The following HECW1 variants were observed in gnomAD, a reference collection of about 807,000 sequenced individuals.
The protein encoded by HECW1 is E3 ubiquitin-protein ligase HECW1.
Under a neutral mutation model 182.3 loss-of-function variants are expected in HECW1, and 61 were observed. The observed-to-expected ratio is 0.33, with a 90% CI of 0.27 to 0.41. HECW1 has a LOEUF of 0.41. HECW1 is among the 10% of genes least tolerant of loss of function. The probability of loss-of-function intolerance (pLI) is 1.00; values close to 1 mark genes in which losing one functional copy is unlikely to be tolerated. For synonymous variants in HECW1, 859 were observed against 832.6 expected (o/e 1.03, Z -0.55); for missense variants, 1,739 against 2,108.9 (o/e 0.82, Z 3.44).
intron 17 of HECW1, among the ~76,000 whole-genome samples, chr7:43,481,639 A>G (rs2078437305): frequency 6.6e-6 from 1 of 152,222 alleles, no homozygotes; most frequent in African/African-American, 2.4e-5. Context: ...CATTTAAATC[A>G]TTAATATCAT....
In HECW1 at chr7:43,463,802, A is replaced by T; in HGVS notation, c.2791+3A>T. On this transcript the variant is annotated splice_donor_region_variant and intron_variant, in intron 14 of 29. Coordinates refer to ENST00000395891, the MANE Select transcript of HECW1 (RefSeq NM_015052.5). ...CGAATCTTCCCAGTCCAGCTTAGGT[A>T]TTGGAGGAGGGGTCCCCACAACCTG... 1 of 1,613,246 alleles carries T rather than the reference A, an allele frequency of 6.2e-7. No homozygotes were observed. Among genetic ancestry groups the T allele is most frequent in the East Asian group, 2.2e-5 (1 of 44,834 alleles).
At chr7:43,160,398 G>A (rs1364265201) in intron 2 of HECW1, among the ~76,000 whole-genome samples, 1 of 152,126 alleles carries the variant, frequency 6.6e-6, no homozygotes, top group Non-Finnish European at 1.5e-5. Context: ...AATGAGAGCT[G>A]CCTTCACCTC....
At chr7:43,282,714 T>C (rs1804072324) in intron 3 of HECW1, among the ~76,000 whole-genome samples, 2 of 152,182 alleles carry the variant, frequency 1.3e-5, no homozygotes, top group African/African-American at 4.8e-5. Context: ...TTATTAAATA[T>C]TATTATAAGA....
chr7:43,199,861 G>T (rs1253362691), intron 2 of HECW1, among the ~76,000 whole-genome samples: 2 of 152,044 alleles, frequency 1.3e-5, no homozygotes, highest in East Asian at 3.8e-4. Flanking sequence ...ATATATACAC[G>T]TTTGGTTTGT....
In HECW1 at chr7:43,541,226, C is replaced by G; in HGVS notation, c.4083C>G (p.Phe1361Leu). Residue 1361 changes from phenylalanine to leucine, a missense_variant, in exon 25 of 30, where the codon TTC (phenylalanine) becomes TTG (leucine). Physicochemically the swap from Phe to Leu is conservative, Grantham distance 22 (BLOSUM62 0). Transcript: ENST00000395891. ...ALIHQYLLDA[F>L]FTRPFYKALL... ...TCCATCAGTACCTTCTTGACGCTTT[C>G]TTCACGAGGCCCTTCTACAAGGCAC... The G allele has an allele frequency of 2.5e-6, 4 of 1,614,204 alleles. No individual in the cohort carries two copies. Among genetic ancestry groups the G allele is most frequent in the Non-Finnish European group, 3.4e-6 (4 of 1,180,012 alleles).
At chr7:43,322,817 C>G (rs1584477416) in intron 5 of HECW1, among the ~76,000 whole-genome samples, 1 of 152,258 alleles carries the variant, frequency 6.6e-6, no homozygotes, top group African/African-American at 2.4e-5. Context: ...AGAGGTTTTT[C>G]TCTCTCACCA....
At chr7:43,475,544 A>ATATT (rs141834878) in intron 16 of HECW1, among the ~76,000 whole-genome samples, 4,927 of 151,922 alleles carry the variant, frequency 0.032, 269 homozygotes, top group African/African-American at 0.11. Flanking sequence ...TAAAAATTAA[A>ATATT]TATTTATTTA....
chr7:43,311,689 TC>T, intron 3 of HECW1, 73 bp from the exon 4 acceptor site: 1 of 1,384,724 alleles, frequency 7.2e-7, no homozygotes. Flanking sequence ...AGCACATCTT[TC>T]GTTTTCGTGT....
intron 5 of HECW1, among the ~76,000 whole-genome samples, chr7:43,345,472 G>C (rs1211756720): frequency 6.6e-6 from 1 of 151,880 alleles, no homozygotes; most frequent in Non-Finnish European, 1.5e-5. Context: ...GGTACAAGTG[G>C]TATTTGGTTA....
At chr7:43,186,406 G>A (rs919233626) in intron 2 of HECW1, among the ~76,000 whole-genome samples, 2 of 152,100 alleles carry the variant, frequency 1.3e-5, no homozygotes, top group East Asian at 1.9e-4. Context: ...AGTGGCTCAC[G>A]GCTATAATCC....
intron 3 of HECW1, among the ~76,000 whole-genome samples, chr7:43,251,956 G>A (rs1034215863): frequency 6.6e-6 from 1 of 152,180 alleles, no homozygotes; most frequent in Non-Finnish European, 1.5e-5. Flanking sequence ...AGTGCTCTGG[G>A]GGGGTACATT....
chr7:43,428,120 C>T (rs1011954498), intron 8 of HECW1, among the ~76,000 whole-genome samples: 2 of 152,212 alleles, frequency 1.3e-5, no homozygotes, highest in Non-Finnish European at 2.9e-5. Flanking sequence ...CTCTCTACCA[C>T]ATTTATTATC....
intron 24 of HECW1, among the ~76,000 whole-genome samples, chr7:43,525,430 T>C (rs1269232374): frequency 6.6e-6 from 1 of 152,162 alleles, no homozygotes; most frequent in Non-Finnish European, 1.5e-5. Context: ...CGTCTTTCTG[T>C]TCAGCCCAGT....
intron 2 of HECW1, among the ~76,000 whole-genome samples, chr7:43,238,327 C>T (rs551444894): frequency 6.6e-6 from 1 of 152,336 alleles, no homozygotes; most frequent in South Asian, 2.1e-4. Flanking sequence ...CATCCCTGTT[C>T]TTACCACCTT....
chr7:43,274,853 A>G (rs183797313), intron 3 of HECW1, among the ~76,000 whole-genome samples: 2 of 152,362 alleles, frequency 1.3e-5, no homozygotes, highest in East Asian at 1.9e-4. Flanking sequence ...ATATTTACTC[A>G]TGCTAGAAAA....
At chr7:43,173,019 A>G (rs1019822914) in intron 2 of HECW1, among the ~76,000 whole-genome samples, 1 of 152,212 alleles carries the variant, frequency 6.6e-6, no homozygotes, top group Non-Finnish European at 1.5e-5. Flanking sequence ...TTCACACCAC[A>G]TTGACAGAAG....
At chr7:43,403,968 C>T (rs6963606) in intron 7 of HECW1, among the ~76,000 whole-genome samples, 25,167 of 152,126 alleles carry the variant, frequency 0.17, 2,637 homozygotes, top group Non-Finnish European at 0.24. Context: ...AAGAAATTAA[C>T]TATTCTCCTT....
intron 2 of HECW1, among the ~76,000 whole-genome samples, chr7:43,221,886 A>G (rs559256193): frequency 2.6e-4 from 39 of 152,214 alleles, no homozygotes; most frequent in African/African-American, 9.4e-4. Context: ...TTTTATCATC[A>G]TAGGTTGCAA....
chr7:43,116,349 A>G (rs893430949), intron 2 of HECW1, among the ~76,000 whole-genome samples: 3 of 152,186 alleles, frequency 2.0e-5, no homozygotes, highest in Admixed American at 2.0e-4. Context: ...CCTCTAATCC[A>G]CACTTAAACA....
Sources: allele counts gnomAD v4.1 joint callset (sites outside exome capture counted in the v4.1 genomes callset), GRCh38; gene constraint gnomAD v4.1.1; transcripts MANE v1.5; gene names NCBI Gene and HGNC (gene_info 2026-07-23, HGNC 2026-07-21).